NMI: variants seen among roughly 807,000 people sequenced by gnomAD.
NMI encodes the protein N-myc-interactor.
A neutral mutation model predicts 34.3 loss-of-function variants in NMI; 39 were observed. The observed-to-expected ratio is 1.14, with a 90% CI of 0.88 to 1.49. NMI has a LOEUF of 1.49. Among genes scored for constraint, NMI ranks in the 40% most tolerant of loss-of-function variants. The pLI is 0.00. For missense variants in NMI, 339 were observed against 358.1 expected, an observed-to-expected ratio of 0.95 and a Z score of 0.43; for synonymous variants, 113 against 120.3, an observed-to-expected ratio of 0.94 and a Z score of 0.40.
intron 1 of NMI, 71 bp from the exon 2 acceptor site, chr2:151,283,025 C>G: frequency 1.4e-6 from 1 of 700,334 alleles, no homozygotes; most frequent in African/African-American, 1.8e-5. Context: ...GAAATAAGAA[C>G]TTTTACCCTT....
intron 1 of NMI, 77 bp from the exon 2 acceptor site, chr2:151,283,031 C>T: frequency 1.5e-6 from 1 of 671,012 alleles, no homozygotes; most frequent in Non-Finnish European, 2.3e-6. Context: ...AGAACTTTTA[C>T]CCTTTTATGG....
At position 151,278,886 on chromosome 2, in the gene NMI, C is replaced by T. The variant is rs982670866; in HGVS notation, c.282G>A (p.Ser94=). 1.1e-5 allele frequency: 17 copies of T among 1,613,464 alleles called. No homozygotes were observed. Among genetic ancestry groups the T allele is most frequent in the Non-Finnish European group, 1.4e-5 (17 of 1,179,644 alleles). Residue 94 remains serine (S), a synonymous_variant, in exon 4 of 8, where the codon TCG becomes TCA. Transcript: ENST00000243346. The part of the protein sequence containing the change: ...SNISCSFQVS[S]KVPYEIQKGQ... ...CTTTTTGTATCTCATAAGGAACTTTCGAGCTCACTTGAAACGAACAGGAGA... is the reference window on the plus strand; with the variant it reads ...CTTTTTGTATCTCATAAGGAACTTTTGAGCTCACTTGAAACGAACAGGAGA...
rs952878698 is a variant in NMI at position 151,275,225 on chromosome 2, C to T, written c.634+259G>A. Among the ~76,000 whole-genome samples, 4 of 151,470 alleles carry T rather than the reference C, an allele frequency of 2.6e-5. No individual in the cohort carries two copies. The East Asian group carries it at 5.9e-4, about 22-fold the overall frequency. Reference sequence around the variant, plus strand: ...CTTGAACTCCTGACCTCAAGTGATCCGCCTGCCTCCGCCTCCCAAAGTGCT... The same window carrying T: ...CTTGAACTCCTGACCTCAAGTGATCTGCCTGCCTCCGCCTCCCAAAGTGCT... On this transcript the variant is annotated intron_variant, in intron 6 of 7. Transcript: ENST00000243346.
At position 151,270,703 on chromosome 2, in the gene NMI, A is replaced by G. The variant is rs1288112833; in HGVS notation, c.914T>C (p.Phe305Ser). Residue 305 changes from phenylalanine (F) to serine (S), a missense_variant, in exon 8 of 8, where the codon TTT becomes TCT. Phe to Ser is a radical substitution (Grantham distance 155). Coordinates refer to ENST00000243346, the MANE Select transcript of NMI (RefSeq NM_004688.3). Reference sequence around the variant, plus strand: ...ATGATTCTGTTAAGTCTATTCTTCAAAGTATGCTATGTGAGGTTGACCTAG... The same window carrying G: ...ATGATTCTGTTAAGTCTATTCTTCAGAGTATGCTATGTGAGGTTGACCTAG... ...CSLGQPHIAYFEE is the reference protein window; with the variant it reads ...CSLGQPHIAYSEE 2.5e-6 allele frequency: 4 copies of G among 1,612,360 alleles called. No homozygotes were observed. The highest frequency in any genetic ancestry group is 3.4e-6 in the Non-Finnish European group (4 of 1,179,032).
At chr2:151,287,569 C>T (rs977960836) in intron 1 of NMI, among the ~76,000 whole-genome samples, 52 of 152,120 alleles carry the variant, frequency 3.4e-4, no homozygotes, top group Admixed American at 2.6e-4. Context: ...AACTTAATCT[C>T]CATCTAATGA....
intron 6 of NMI, among the ~76,000 whole-genome samples, chr2:151,274,710 T>G (rs1424865836): frequency 2.0e-5 from 3 of 151,760 alleles, no homozygotes; most frequent in Non-Finnish European, 4.4e-5. Context: ...ACTCCTCACC[T>G]CATGATCTGC....
chr2:151,289,198 A>G (rs1335503898), intron 1 of NMI: 1 of 135,012 alleles, frequency 7.4e-6, no homozygotes, highest in African/African-American at 2.8e-5. Context: ...GCTTGCAGTG[A>G]GCCGAGATCG....
chr2:151,272,610 G>T (rs951527217), intron 6 of NMI, among the ~76,000 whole-genome samples: 1 of 152,190 alleles, frequency 6.6e-6, no homozygotes, highest in African/African-American at 2.4e-5. Flanking sequence ...GACTCGGACA[G>T]ATACTTGCTC....
intron 6 of NMI, among the ~76,000 whole-genome samples, chr2:151,273,017 T>A (rs552378620): frequency 6.6e-6 from 1 of 152,082 alleles, no homozygotes; most frequent in African/African-American, 2.4e-5. Flanking sequence ...ATAGTGGTGA[T>A]GGTTGTACAA....
intron 7 of NMI, 98 bp from the exon 8 acceptor site, chr2:151,270,973 T>G (rs1573739978): frequency 6.2e-6 from 6 of 964,284 alleles, no homozygotes; most frequent in Middle Eastern, 2.2e-4. Flanking sequence ...TATTTTATCT[T>G]AGAAGAGACA....
intron 2 of NMI, among the ~76,000 whole-genome samples, chr2:151,282,450 T>G (rs187543799): frequency 3.3e-5 from 5 of 152,310 alleles, no homozygotes; most frequent in Admixed American, 2.0e-4. Context: ...GTTGTTGGTG[T>G]TGTTGTTGTT....
intron 3 of NMI, 105 bp from the exon 4 acceptor site, chr2:151,279,095 T>G: frequency 4.1e-6 from 3 of 728,326 alleles, no homozygotes; most frequent in Non-Finnish European, 6.7e-6. Flanking sequence ...CCCACTAATT[T>G]TAGAACCTTG....
intron 1 of NMI, chr2:151,288,927 G>A (rs1683561405): frequency 6.6e-6 from 1 of 152,276 alleles, no homozygotes; most frequent in East Asian, 1.9e-4. Context: ...TTTTCCTAAG[G>A]ACTATCTCCA....
chr2:151,272,493 A>G (rs1449919355), intron 6 of NMI, among the ~76,000 whole-genome samples: 2 of 152,256 alleles, frequency 1.3e-5, no homozygotes, highest in East Asian at 3.8e-4. Context: ...AAAATGGTAC[A>G]GCCACTGTAG....
rs11461986 is a variant in NMI, at chr2:151,280,848, A to ATTT, written c.177+1097_177+1099dup. Among the ~76,000 whole-genome samples the ATTT allele has an allele frequency of 7.8e-4, 116 of 148,624 alleles. 1 individual carries two copies. The highest frequency in any genetic ancestry group is 1.4e-3 in the Non-Finnish European group (92 of 67,088). On this transcript the variant is annotated intron_variant, in intron 3 of 7. Coordinates refer to ENST00000243346, the MANE Select transcript of NMI (RefSeq NM_004688.3). ...AGAAACAAGAAGTGTCAATGCTTTA[A>ATTT]TTTTTTTTTTTTTAGGCGGCGCCTC... is the stretch of plus-strand genomic sequence containing the variant.
At chr2:151,285,116 T>C (rs1683471399) in intron 1 of NMI, among the ~76,000 whole-genome samples, 2 of 152,136 alleles carry the variant, frequency 1.3e-5, no homozygotes, top group Admixed American at 6.5e-5. Context: ...CACAAACACA[T>C]ACAATATGAT....
intron 1 of NMI, among the ~76,000 whole-genome samples, chr2:151,283,549 T>A (rs1683445397): frequency 6.6e-6 from 1 of 152,234 alleles, no homozygotes; most frequent in Non-Finnish European, 1.5e-5. Flanking sequence ...TCCTTTGTAG[T>A]TCACATTCCA....
Position 151,275,867 on chromosome 2 carries a change from G to C in NMI, c.341-3C>G. On this transcript the variant is annotated splice_region_variant and splice_polypyrimidine_tract_variant and intron_variant, in intron 4 of 7. Transcript: ENST00000243346. ...CATGCTTACCACATTTTGAGCAACT[G>C]AAAAATAATTCAGGAAGGAAGTATT... 2.6e-6 allele frequency: 4 copies of C among 1,537,020 alleles called. No individual in the cohort carries two copies. The highest frequency in any genetic ancestry group is 3.5e-6 in the Non-Finnish European group (4 of 1,127,990).
At chr2:151,287,301 CA>C (rs1683517555) in intron 1 of NMI, among the ~76,000 whole-genome samples, 2 of 128,824 alleles carry the variant, frequency 1.6e-5, no homozygotes, top group African/African-American at 7.1e-5. Context: ...ATTTAAACCA[CA>C]TCTCTCTCTC....
Sources: gnomAD v4.1 joint callset for allele counts (sites outside exome capture counted in the v4.1 genomes callset) on GRCh38, gnomAD v4.1.1 for gene constraint, MANE v1.5 for transcripts, NCBI Gene and HGNC (gene_info 2026-07-23, HGNC 2026-07-21) for gene names.